The following XYLT1 variants were observed in gnomAD, a reference collection of about 807,000 sequenced individuals.
XYLT1 encodes beta-D-xylosyltransferase 1.
XYLT1 carries 36 observed loss-of-function variants against 91.3 expected under a neutral mutation model. That is an observed-to-expected ratio of 0.39 (90% CI 0.30 to 0.52). The LOEUF is 0.52. Among genes scored for constraint, XYLT1 ranks in the 20% least tolerant of loss-of-function variants. The pLI is 0.68. For missense variants in XYLT1, 1,242 were observed against 1,284.5 expected (o/e 0.97, Z 0.51); for synonymous variants, 588 against 532.0 (o/e 1.11, Z -1.45).
intron 1 of XYLT1, among the ~76,000 whole-genome samples, chr16:17,377,500 C>T (rs775261710): frequency 1.3e-5 from 2 of 152,106 alleles, no homozygotes; most frequent in African/African-American, 2.4e-5. Flanking sequence ...AGGGGAAGGG[C>T]TTTGAGAATG....
intron 1 of XYLT1, among the ~76,000 whole-genome samples, chr16:17,432,957 C>T (rs1021591727): frequency 1.3e-5 from 2 of 152,138 alleles, no homozygotes; most frequent in East Asian, 1.9e-4. Context: ...GAGCATCACT[C>T]GGGCAGAGAC....
Position 17,337,778 on chromosome 16 carries a change from TTTC to T in XYLT1, c.402+20231_402+20233del, listed in dbSNP as rs1567381013. On this transcript the variant is annotated intron_variant, in intron 2 of 11. Coordinates refer to ENST00000261381, the MANE Select transcript of XYLT1 (RefSeq NM_022166.4). The stretch of plus-strand genomic sequence containing the variant: ...CTTTGTCTGTTCCACATTTTTTCTT[TTTC>T]TTTTTTTTTTTTTTTGTGAGACAGA... Among the ~76,000 whole-genome samples the T allele has an allele frequency of 1.1e-3, 144 of 135,800 alleles. 1 individual carries two copies. Among genetic ancestry groups the T allele is most frequent in the South Asian group, 4.4e-3 (20 of 4,550 alleles). 89.1% of individuals were successfully genotyped at this position (135,800 alleles called of 152,430 possible).
intron 5 of XYLT1, among the ~76,000 whole-genome samples, chr16:17,161,977 T>C (rs1370642459): frequency 6.6e-6 from 1 of 152,102 alleles, no homozygotes; most frequent in Non-Finnish European, 1.5e-5. Flanking sequence ...AGAATCTTTT[T>C]CGAAATGAAT....
intron 1 of XYLT1, among the ~76,000 whole-genome samples, chr16:17,400,276 T>C (rs1233875880): frequency 1.3e-5 from 2 of 152,130 alleles, no homozygotes; most frequent in Non-Finnish European, 2.9e-5. Context: ...CAAATTATAG[T>C]ACCTACTGTC....
chr16:17,304,640 A>T (rs1263786913), intron 2 of XYLT1, among the ~76,000 whole-genome samples: 1 of 152,150 alleles, frequency 6.6e-6, no homozygotes, highest in Non-Finnish European at 1.5e-5. Context: ...CAACCTGGTA[A>T]ATCCACAGTT....
intron 2 of XYLT1, among the ~76,000 whole-genome samples, chr16:17,331,107 G>A (rs145677762): frequency 4.6e-5 from 7 of 152,294 alleles, no homozygotes; most frequent in African/African-American, 1.7e-4. Flanking sequence ...TATCTCCTCC[G>A]AGTCCCCACA....
intron 2 of XYLT1, among the ~76,000 whole-genome samples, chr16:17,301,284 C>T (rs554966823): frequency 6.6e-6 from 1 of 152,112 alleles, no homozygotes; most frequent in African/African-American, 2.4e-5. Context: ...GTGGCGGGCG[C>T]CTATAATCCC....
intron 9 of XYLT1, among the ~76,000 whole-genome samples, chr16:17,131,677 A>G (rs2030483607): frequency 6.6e-6 from 1 of 152,218 alleles, no homozygotes; most frequent in Admixed American, 6.5e-5. Context: ...TCTGCAATGC[A>G]TATGTGTTAG....
chr16:17,296,634 G>A (rs150487654), intron 2 of XYLT1, among the ~76,000 whole-genome samples: 15 of 152,326 alleles, frequency 9.8e-5, no homozygotes, highest in African/African-American at 3.6e-4. Context: ...GGGCAGGAGC[G>A]CAGAGCCCGG....
intron 9 of XYLT1, 129 bp from the exon 10 acceptor site, chr16:17,127,990 G>A (rs1019135263): frequency 2.8e-5 from 21 of 749,096 alleles, no homozygotes; most frequent in African/African-American, 3.5e-5. Context: ...TTTTCCTTGC[G>A]TCCTCTGTAT....
At chr16:17,214,800 T>C (rs1260161476) in intron 3 of XYLT1, among the ~76,000 whole-genome samples, 1 of 152,212 alleles carries the variant, frequency 6.6e-6, no homozygotes, top group Non-Finnish European at 1.5e-5. Flanking sequence ...AAATAATGAT[T>C]TGCAAATGAC....
rs58376375 is a variant in XYLT1 at position 17,318,790 on chromosome 16, C to CTT, written c.402+39220_402+39221dup. ...GGTTCCATCCTGGGATCTGCTTACTCTTTTTTTTTTTTTTTCTTCAGATGA... is the reference window on the plus strand; with the variant it reads ...GGTTCCATCCTGGGATCTGCTTACTCTTTTTTTTTTTTTTTTTCTTCAGATGA... On this transcript the variant is annotated intron_variant, in intron 2 of 11. Coordinates refer to ENST00000261381, the MANE Select transcript of XYLT1 (RefSeq NM_022166.4). 3.4e-3 allele frequency among the ~76,000 whole-genome samples: 484 copies of CTT among 142,592 alleles called. 5 individuals are homozygous for CTT. The highest frequency in any genetic ancestry group is 9.0e-3 in the African/African-American group (347 of 38,362). 93.5% of individuals were successfully genotyped at this position (142,592 alleles called of 152,430 possible).
intron 2 of XYLT1, among the ~76,000 whole-genome samples, chr16:17,298,901 C>T (rs1409656425): frequency 6.6e-6 from 1 of 152,182 alleles, no homozygotes; most frequent in Admixed American, 6.5e-5. Context: ...CCCCATTCCT[C>T]TAATTATGTT....
At chr16:17,262,087 G>A (rs2033731431) in intron 2 of XYLT1, among the ~76,000 whole-genome samples, 1 of 152,106 alleles carries the variant, frequency 6.6e-6, no homozygotes, top group South Asian at 2.1e-4. Context: ...CTTACCATGA[G>A]CCAGGCACCA....
intron 3 of XYLT1, among the ~76,000 whole-genome samples, chr16:17,253,483 A>C (rs1196486765): frequency 6.6e-6 from 1 of 152,182 alleles, no homozygotes; most frequent in Admixed American, 6.5e-5. Flanking sequence ...CCCCTGGCCT[A>C]AGATGCTGAG....
intron 1 of XYLT1, among the ~76,000 whole-genome samples, chr16:17,457,004 T>C (rs926361397): frequency 2.6e-5 from 4 of 152,072 alleles, no homozygotes; most frequent in African/African-American, 9.7e-5. Context: ...CCAACAGCCA[T>C]CTTGTGGGTA....
intron 3 of XYLT1, among the ~76,000 whole-genome samples, chr16:17,239,155 G>A (rs1401647569): frequency 2.6e-5 from 4 of 152,136 alleles, no homozygotes; most frequent in Non-Finnish European, 5.9e-5. Context: ...TACCCCAAAG[G>A]CATGCTTACT....
Position 17,123,923 on chromosome 16 carries a change from AGTTTT to A in XYLT1, c.2223+3738_2223+3742del, listed in dbSNP as rs773089341. On this transcript the variant is annotated intron_variant, in intron 10 of 11. Transcript: ENST00000261381. The stretch of plus-strand genomic sequence containing the variant: ...TCTTTTTTAATTGCTGTTGCTTTAA[AGTTTT>A]GTTTTGTCTGGTAAGAATTGCTACT... 5.3e-5 allele frequency among the ~76,000 whole-genome samples: 8 copies of A among 152,018 alleles called. No individual in the cohort carries two copies. In the East Asian group the frequency reaches 9.6e-4, roughly 18 times the overall value.
At chr16:17,155,344 A>G (rs942363002) in intron 6 of XYLT1, among the ~76,000 whole-genome samples, 1 of 151,412 alleles carries the variant, frequency 6.6e-6, no homozygotes, top group Non-Finnish European at 1.5e-5. Context: ...CAGAACTAAT[A>G]GAGAGTCTGG....
Sources: gnomAD v4.1 joint callset for allele counts (sites outside exome capture counted in the v4.1 genomes callset) on GRCh38, gnomAD v4.1.1 for gene constraint, MANE v1.5 for transcripts, NCBI Gene and HGNC (gene_info 2026-07-23, HGNC 2026-07-21) for gene names.